SLC7A7: variants seen among roughly 807,000 people sequenced by gnomAD.
The protein encoded by SLC7A7 is solute carrier family 7 member 7.
A neutral mutation model predicts 47.9 loss-of-function variants in SLC7A7; 39 were observed. The observed-to-expected ratio is 0.81, with a 90% confidence interval of 0.63 to 1.06. SLC7A7 has a LOEUF of 1.06. SLC7A7 is among the 50% of genes least tolerant of loss of function. The pLI, the probability that SLC7A7 is intolerant of heterozygous loss-of-function variation, is 0.00. For synonymous variants in SLC7A7, 234 were observed against 242.8 expected (o/e 0.96, Z 0.34); for missense variants, 588 against 632.0 (o/e 0.93, Z 0.75).
chr14:22,773,619 T>C lies in SLC7A7; in HGVS notation c.1527A>G (p.Lys509=), dbSNP rs1061040. The change falls in exon 10 of 10, where the codon AAA becomes AAG. Residue 509 remains lysine, a synonymous_variant. Coordinates refer to ENST00000674313, the MANE Select transcript of SLC7A7 (RefSeq NM_003982.4). ...GGEMPKQRDP[K]SN ...GGATTCCAGATGGTGTTTAGTTAGA[T>C]TTGGGATCCCGTTGCTTGGGCATCT... is the stretch of plus-strand genomic sequence containing the variant. 0.88 allele frequency: 1,415,942 copies of C among 1,613,208 alleles called. 627,464 individuals are homozygous for C. Among genetic ancestry groups the C allele is most frequent in the Admixed American group, 0.92 (55,297 of 60,006 alleles).
At chr14:22,779,444 A>T (rs1188863698) in intron 3 of SLC7A7, among the ~76,000 whole-genome samples, 2 of 148,870 alleles carry the variant, frequency 1.3e-5, no homozygotes, top group African/African-American at 5.1e-5. Context: ...CTTGGGCAAG[A>T]TATTTAATTC....
chr14:22,776,164 C>T (rs1405015662), intron 5 of SLC7A7, 31 bp downstream of exon 5: 15 of 1,614,080 alleles, frequency 9.3e-6, no homozygotes, highest in South Asian at 1.1e-5. Flanking sequence ...CACAAGACAC[C>T]CTCAACCTTC....
rs769986701 is a variant in SLC7A7 at position 22,813,203 on chromosome 14, T to C, written c.196A>G (p.Ser66Gly). ...FVSPKGVLIY[S>G]ASFGLSLVIW... The stretch of plus-strand genomic sequence containing the variant: ...ACCAGAGAGAGACCAAAGGAGGCAC[T>C]GTATATGAGCACACCCTTGGGGGAA... Residue 66 changes from serine to glycine, a missense_variant, in exon 2 of 10, where the codon AGT becomes GGT. Physicochemically the swap from Ser to Gly is moderately conservative, Grantham distance 56 (BLOSUM62 0). Transcript: ENST00000674313. The C allele has an allele frequency of 1.9e-6, 3 of 1,614,022 alleles. No individual in the cohort carries two copies. Among genetic ancestry groups the C allele is most frequent in the Non-Finnish European group, 2.5e-6 (3 of 1,180,018 alleles).
chr14:22,815,045 T>C (rs1004328987), intron 1 of SLC7A7: 3 of 317,224 alleles, frequency 9.5e-6, no homozygotes, highest in Admixed American at 8.4e-5. Context: ...CTAGGGATGA[T>C]TGGAGGCAGC....
chr14:22,773,694 C>T lies in SLC7A7; in HGVS notation c.1452G>A (p.Gln484=), dbSNP rs2038526040. ...CTGCAGCAACTGACATACACAGGACCTGGAGGTACCTTGTGGCAGACCCTA... is the reference window on the plus strand; with the variant it reads ...CTGCAGCAACTGACATACACAGGACTTGGAGGTACCTTGTGGCAGACCCTA... The part of the protein sequence containing the change: ...RIVGSATRYL[Q]VLCMSVAAEM... The change falls in exon 10 of 10, where the codon CAG becomes CAA. Residue 484 remains glutamine (Q), a synonymous_variant. Transcript: ENST00000674313. 4 of 1,614,064 alleles carry T rather than the reference C, an allele frequency of 2.5e-6. No homozygotes were observed. Among genetic ancestry groups the T allele is most frequent in the African/African-American group, 1.3e-5 (1 of 74,914 alleles).
intron 2 of SLC7A7, among the ~76,000 whole-genome samples, chr14:22,791,925 C>G (rs188639971): frequency 1.8e-3 from 271 of 151,800 alleles, no homozygotes; most frequent in African/African-American, 6.5e-3. Context: ...AGCTCCGCCT[C>G]CTGGGTTCAC....
At chr14:22,799,448 C>CTTTTTTTTTTTTTTTTTTTTTT (rs56375225) in intron 2 of SLC7A7, among the ~76,000 whole-genome samples, 16 of 76,182 alleles carry the variant, frequency 2.1e-4, no homozygotes, top group South Asian at 6.1e-4. Context: ...TTTTTTCTTT[C>CTTTTTTTTTTTTTTTTTTTTTT]TTTTTTTTTT....
intron 2 of SLC7A7, among the ~76,000 whole-genome samples, chr14:22,788,850 T>TGGA (rs1487948171): frequency 6.6e-6 from 1 of 152,152 alleles, no homozygotes; most frequent in Non-Finnish European, 1.5e-5. Flanking sequence ...TCAATGCTAC[T>TGGA]AGAAGTCAGA....
At chr14:22,781,240 AC>A (rs925846386) in intron 2 of SLC7A7, among the ~76,000 whole-genome samples, 1 of 151,964 alleles carries the variant, frequency 6.6e-6, no homozygotes, top group Non-Finnish European at 1.5e-5. Context: ...AGTCAGAAAC[AC>A]CCTCTGAGTT....
intron 2 of SLC7A7, among the ~76,000 whole-genome samples, chr14:22,810,114 G>A (rs2039281186): frequency 6.7e-6 from 1 of 149,820 alleles, no homozygotes; most frequent in African/African-American, 2.5e-5. Context: ...GTAGGCACAA[G>A]GTCAGAATCG....
chr14:22,802,786 A>G (rs530791314), intron 2 of SLC7A7, among the ~76,000 whole-genome samples: 2 of 152,232 alleles, frequency 1.3e-5, no homozygotes, highest in South Asian at 4.1e-4. Flanking sequence ...AAGTCCTTTA[A>G]TGGTTCCTCA....
intron 2 of SLC7A7, among the ~76,000 whole-genome samples, chr14:22,798,499 CA>C (rs1472009268): frequency 6.6e-6 from 1 of 152,178 alleles, no homozygotes; most frequent in Admixed American, 6.5e-5. Context: ...TCAGGGCACC[CA>C]ATCATTACAG....
At chr14:22,792,867 A>AAGAGAGACAGAGAG (rs1555323604) in intron 2 of SLC7A7, among the ~76,000 whole-genome samples, 1 of 122,466 alleles carries the variant, frequency 8.2e-6, no homozygotes, top group African/African-American at 3.1e-5. Flanking sequence ...CAAAGAAAGA[A>AAGAGAGACAGAGAG]AGAGAGAGAG....
intron 4 of SLC7A7, 44 bp from the exon 5 acceptor site, chr14:22,776,362 A>C: frequency 1.2e-6 from 2 of 1,613,766 alleles, no homozygotes; most frequent in African/African-American, 1.3e-5. Flanking sequence ...CCACAGTCAT[A>C]TCCCTATCTC....
chr14:22,796,688 C>G (rs954765657), intron 2 of SLC7A7, among the ~76,000 whole-genome samples: 1 of 152,158 alleles, frequency 6.6e-6, no homozygotes, highest in African/African-American at 2.4e-5. Flanking sequence ...GGCAAAACAA[C>G]TAGGTCTCAG....
intron 2 of SLC7A7, 196 bp from the exon 3 acceptor site, chr14:22,780,247 C>T (rs2038695767): frequency 1.7e-6 from 1 of 581,776 alleles, no homozygotes; most frequent in East Asian, 3.0e-5. Flanking sequence ...CCTCTATACT[C>T]CCCACCCCCA....
intron 2 of SLC7A7, among the ~76,000 whole-genome samples, chr14:22,812,489 C>T (rs1190558606): frequency 6.7e-6 from 1 of 148,228 alleles, no homozygotes; most frequent in Non-Finnish European, 1.5e-5. Context: ...CTTGAAGGAA[C>T]AAGAAAAAAA....
chr14:22,773,379 C>T lies in SLC7A7; in HGVS notation c.*231G>A. On this transcript the variant is annotated 3_prime_UTR_variant, in exon 10 of 10. Coordinates refer to ENST00000674313, the MANE Select transcript of SLC7A7 (RefSeq NM_003982.4). ...CTAAAACAACCAAGCCCAAACCTGA[C>T]ATGCTCCTCCCCACAGTCACCTTCA... 1.6e-6 allele frequency: 1 copy of T among 623,166 alleles called. No homozygotes were observed. Among genetic ancestry groups the T allele is most frequent in the Non-Finnish European group, 3.0e-6 (1 of 335,904 alleles). The allele number at this position is 623,166 out of a possible 1,614,324, so 38.6% of individuals were successfully genotyped here.
At chr14:22,790,782 G>A (rs955029568) in intron 2 of SLC7A7, among the ~76,000 whole-genome samples, 25 of 151,904 alleles carry the variant, frequency 1.6e-4, no homozygotes, top group Admixed American at 6.6e-5. Context: ...GACGAATCAC[G>A]AGTTCAAGAG....
Sources: gnomAD v4.1 joint callset for allele counts (sites outside exome capture counted in the v4.1 genomes callset) on GRCh38, gnomAD v4.1.1 for gene constraint, MANE v1.5 for transcripts, NCBI Gene and HGNC (gene_info 2026-07-23, HGNC 2026-07-21) for gene names.